VPS13B: variants seen among roughly 807,000 people sequenced by gnomAD.
The protein encoded by VPS13B is vacuolar protein sorting 13 homolog B, also known as intermembrane lipid transfer protein VPS13B.
A neutral mutation model predicts 426.4 loss-of-function variants in VPS13B; 285 were observed. The observed-to-expected ratio is 0.67, with a 90% CI of 0.61 to 0.74. VPS13B has a LOEUF of 0.74. VPS13B is among the 30% of genes least tolerant of loss of function. The probability of loss-of-function intolerance (pLI) is 0.00; values close to 1 mark genes in which losing one functional copy is unlikely to be tolerated. For missense variants in VPS13B, 4,537 were observed against 4,782.6 expected (o/e 0.95, Z 1.51); for synonymous variants, 1,676 against 1,676.4 (o/e 1.00, Z 0.01).
chr8:99,371,710 AT>A (rs374480675), intron 19 of VPS13B, among the ~76,000 whole-genome samples: 1 of 151,960 alleles, frequency 6.6e-6, no homozygotes, highest in Non-Finnish European at 1.5e-5. Context: ...TGAGCATGAA[AT>A]TTTTTTCCAT....
chr8:99,747,899 A>G (rs993661699), intron 39 of VPS13B, among the ~76,000 whole-genome samples: 1 of 151,966 alleles, frequency 6.6e-6, no homozygotes, highest in Non-Finnish European at 1.5e-5. Flanking sequence ...AGAGTAGGCA[A>G]CAACTGAGAA....
At chr8:99,854,527 A>G (rs539334876) in intron 56 of VPS13B, among the ~76,000 whole-genome samples, 2 of 152,200 alleles carry the variant, frequency 1.3e-5, no homozygotes, top group Non-Finnish European at 2.9e-5. Context: ...AAAGTACGTG[A>G]GGTACCCAGC....
intron 33 of VPS13B, among the ~76,000 whole-genome samples, chr8:99,623,286 G>T (rs945014533): frequency 6.6e-6 from 1 of 152,076 alleles, no homozygotes; most frequent in African/African-American, 2.4e-5. Context: ...CCTTGATGAG[G>T]CCTACCATGA....
At chr8:99,273,709 G>T (rs1461518794) in intron 17 of VPS13B, among the ~76,000 whole-genome samples, 5 of 1,190 alleles carry the variant, frequency 4.2e-3, no homozygotes, top group African/African-American at 0.024. Context: ...GCTTGAACCC[G>T]GGAGGCAGAG....
intron 33 of VPS13B, among the ~76,000 whole-genome samples, chr8:99,588,620 T>TC (rs1489235936): frequency 6.6e-6 from 1 of 151,670 alleles, no homozygotes; most frequent in Non-Finnish European, 1.5e-5. Flanking sequence ...ACTCTGTTTG[T>TC]TAATATTGTA....
intron 19 of VPS13B, among the ~76,000 whole-genome samples, chr8:99,352,817 T>A (rs1811964355): frequency 6.6e-6 from 1 of 150,698 alleles, no homozygotes; most frequent in Admixed American, 6.6e-5. Flanking sequence ...AGAGCAGAAC[T>A]CCATCTCAAA....
At chr8:99,300,209 C>T (rs1229791095) in intron 19 of VPS13B, among the ~76,000 whole-genome samples, 1 of 152,044 alleles carries the variant, frequency 6.6e-6, no homozygotes, top group Non-Finnish European at 1.5e-5. Context: ...TTTCATATGT[C>T]CTCATTTGGG....
At position 99,854,070 on chromosome 8, in the gene VPS13B, C is replaced by A. The variant is rs200232124; in HGVS notation, c.10681C>A (p.Arg3561=). ...ARALVNPVKL[R]KLVIQPVNLL... ...GGCCTTGGTGAATCCTGTGAAGTTA[C>A]GGAAACTGGTGATCCAGCCAGTAAA... The change falls in exon 56 of 62, where the codon CGG becomes AGG. Residue 3561 remains arginine, a synonymous_variant. Coordinates refer to ENST00000357162, the MANE Select transcript of VPS13B (RefSeq NM_152564.5). 4 of 1,613,478 alleles carry A rather than the reference C, an allele frequency of 2.5e-6. No homozygotes were observed. The Middle Eastern group carries it at 4.9e-4, about 200-fold the overall frequency.
At chr8:99,545,071 C>G (rs1432663558) in intron 30 of VPS13B, among the ~76,000 whole-genome samples, 1 of 152,134 alleles carries the variant, frequency 6.6e-6, no homozygotes, top group African/African-American at 2.4e-5. Flanking sequence ...AATGCTTTTT[C>G]TATGCCCACC....
At chr8:99,457,103 C>T (rs1248070300) in intron 23 of VPS13B, among the ~76,000 whole-genome samples, 2 of 151,138 alleles carry the variant, frequency 1.3e-5, no homozygotes, top group African/African-American at 2.4e-5. Flanking sequence ...GTGATTTCAG[C>T]TCACTGCAAT....
chr8:99,799,030 C>G (rs150753545), intron 43 of VPS13B: 24 of 152,294 alleles, frequency 1.6e-4, no homozygotes, highest in African/African-American at 5.5e-4. Flanking sequence ...GTAACAAAAG[C>G]ATTAACTCAG....
At chr8:99,523,410 G>A (rs939715292) in intron 30 of VPS13B, among the ~76,000 whole-genome samples, 11 of 152,226 alleles carry the variant, frequency 7.2e-5, no homozygotes, top group Non-Finnish European at 1.6e-4. Context: ...GCATTGGGTG[G>A]GACCCAGTGC....
chr8:99,821,429 G>A lies in VPS13B; in HGVS notation c.9130G>A (p.Glu3044Lys). 6.2e-7 allele frequency: 1 copy of A among 1,613,860 alleles called. No individual in the cohort carries two copies. The highest frequency in any genetic ancestry group is 8.5e-7 in the Non-Finnish European group (1 of 1,179,804). Reference sequence around the variant, plus strand: ...TGGTGAAGTTGTGACACTGGATGAAGAAGCGTTTGTTGATACTGAAATAAG... The same window carrying A: ...TGGTGAAGTTGTGACACTGGATGAAAAAGCGTTTGTTGATACTGAAATAAG... Reference protein sequence around the residue: ...GNGEVVTLDEEAFVDTEIRLG... With the variant: ...GNGEVVTLDEKAFVDTEIRLG... The change falls in exon 50 of 62, where the codon GAA becomes AAA. Residue 3044 changes from glutamate (E) to lysine (K), a missense_variant. This residue lies in a region of VPS13B where 4,311 missense variants were observed against 4,474.3 expected (regional missense o/e 0.96). Transcript: ENST00000357162.
At chr8:99,258,987 G>A (rs1355084007) in intron 17 of VPS13B, among the ~76,000 whole-genome samples, 1 of 151,810 alleles carries the variant, frequency 6.6e-6, no homozygotes, top group Non-Finnish European at 1.5e-5. Context: ...TCTAATCCCA[G>A]CTTGTATTGT....
At chr8:99,708,393 G>T (rs1388155844) in intron 36 of VPS13B, among the ~76,000 whole-genome samples, 3 of 152,154 alleles carry the variant, frequency 2.0e-5, no homozygotes, top group Non-Finnish European at 2.9e-5. Flanking sequence ...ATGGCCATGT[G>T]TGAGTAGCCA....
chr8:99,332,068 G>A (rs1163174392), intron 19 of VPS13B, among the ~76,000 whole-genome samples: 2 of 151,574 alleles, frequency 1.3e-5, no homozygotes, highest in Admixed American at 6.6e-5. Flanking sequence ...ATAGAGCTTT[G>A]TTTTTATTTA....
chr8:99,264,697 C>T (rs1452949272), intron 17 of VPS13B, among the ~76,000 whole-genome samples: 1 of 152,004 alleles, frequency 6.6e-6, no homozygotes, highest in Non-Finnish European at 1.5e-5. Flanking sequence ...CCTTGATGTT[C>T]AGGTGGTATG....
chr8:99,406,782 C>G (rs1040811588), intron 21 of VPS13B, among the ~76,000 whole-genome samples: 2 of 152,044 alleles, frequency 1.3e-5, no homozygotes, highest in Non-Finnish European at 2.9e-5. Context: ...AAGTAACGTA[C>G]AAATAGTAGA....
chr8:99,782,244 TAAATC>T (rs1812058445), intron 42 of VPS13B, among the ~76,000 whole-genome samples: 1 of 152,156 alleles, frequency 6.6e-6, no homozygotes, highest in Admixed American at 6.6e-5. Flanking sequence ...TTTTACAAAT[TAAATC>T]TACCAAAGTT....
Sources: allele counts gnomAD v4.1 joint callset (sites outside exome capture counted in the v4.1 genomes callset), GRCh38; gene constraint gnomAD v4.1.1; regional missense constraint gnomAD v4.1.1; transcripts MANE v1.5; gene names NCBI Gene and HGNC (gene_info 2026-07-23, HGNC 2026-07-21).